CYP46A1: variants seen among roughly 807,000 people sequenced by gnomAD.
The protein encoded by CYP46A1 is cytochrome P450 family 46 subfamily A member 1, also known as cholesterol 24-hydroxylase.
In CYP46A1, 20 loss-of-function variants were observed where a neutral mutation model predicts 63.3. The ratio of observed to expected loss-of-function variants is 0.32; its 90% CI spans 0.22 to 0.46. The LOEUF (loss-of-function observed/expected upper bound fraction) is 0.46, where lower values mean the gene tolerates loss of function less well. Among genes scored for constraint, CYP46A1 ranks in the 20% least tolerant of loss-of-function variants. The probability of loss-of-function intolerance (pLI) is 1.00; values close to 1 mark genes in which losing one functional copy is unlikely to be tolerated. For missense variants in CYP46A1, 445 were observed against 670.8 expected, an observed-to-expected ratio of 0.66 and a Z score of 3.72; for synonymous variants, 268 against 273.6, an observed-to-expected ratio of 0.98 and a Z score of 0.20.
At chr14:99,720,155 G>A (rs1390615480) in intron 10 of CYP46A1, among the ~76,000 whole-genome samples, 1 of 152,150 alleles carries the variant, frequency 6.6e-6, no homozygotes, top group Non-Finnish European at 1.5e-5. Context: ...TACCTGGGTT[G>A]CTCCTACCGT....
intron 3 of CYP46A1, among the ~76,000 whole-genome samples, chr14:99,697,495 G>T (rs569059569): frequency 6.6e-6 from 1 of 152,306 alleles, no homozygotes; most frequent in Non-Finnish European, 1.5e-5. Context: ...TCCTGGAATT[G>T]CCTCTGGGTA....
chr14:99,684,643 G>T lies in CYP46A1; in HGVS notation c.119+107G>T, dbSNP rs916318702. 4.2e-6 allele frequency: 4 copies of T among 960,158 alleles called. No homozygotes were observed. In the African/African-American group the frequency reaches 5.0e-5, roughly 12 times the overall value. 59.5% of individuals were successfully genotyped at this position (960,158 alleles called of 1,614,324 possible). ...GGGGGTCCGGCCTCGCCTAGTGCGCGCGGCCGCTGGGAGTCGGCGGCCCCG... is the reference window on the plus strand; with the variant it reads ...GGGGGTCCGGCCTCGCCTAGTGCGCTCGGCCGCTGGGAGTCGGCGGCCCCG... On this transcript the variant is annotated intron_variant, in intron 1 of 14. Transcript: ENST00000261835.
intron 6 of CYP46A1, 48 bp from the exon 7 acceptor site, chr14:99,707,520 C>T: frequency 6.6e-7 from 1 of 1,516,666 alleles, no homozygotes; most frequent in Non-Finnish European, 9.1e-7. Context: ...CCTGGATCTG[C>T]TGCCCTTCTG....
intron 7 of CYP46A1, among the ~76,000 whole-genome samples, chr14:99,715,122 T>C (rs1270131968): frequency 6.6e-6 from 1 of 152,232 alleles, no homozygotes; most frequent in Non-Finnish European, 1.5e-5. Context: ...AGGTATTGTA[T>C]ATTTCAAAAA....
intron 1 of CYP46A1, among the ~76,000 whole-genome samples, chr14:99,685,836 C>T (rs2056489294): frequency 1.3e-5 from 2 of 151,990 alleles, no homozygotes; most frequent in African/African-American, 4.8e-5. Context: ...TCTCTCCTTG[C>T]TTAGCTCCTC....
chr14:99,725,280 G>C lies in CYP46A1; in HGVS notation c.1177-111G>C. 5 of 758,044 alleles carry C rather than the reference G, an allele frequency of 6.6e-6. No homozygotes were observed. The highest frequency in any genetic ancestry group is 9.3e-6 in the Non-Finnish European group (4 of 432,246). The allele number at this position is 758,044 out of a possible 1,614,324, so 47.0% of individuals were successfully genotyped here. ...ATGAGGGGTGAAGACATGGGGGGAGGAGAGTGGGACCCACTCTGCTCTGAG... is the reference window on the plus strand; with the variant it reads ...ATGAGGGGTGAAGACATGGGGGGAGCAGAGTGGGACCCACTCTGCTCTGAG... On this transcript the variant is annotated intron_variant, in intron 12 of 14. Coordinates refer to ENST00000261835, the MANE Select transcript of CYP46A1 (RefSeq NM_006668.2). The surrounding 1 kb of genome is among the most constrained non-coding windows in gnomAD (Gnocchi z 4.2).
intron 1 of CYP46A1, among the ~76,000 whole-genome samples, chr14:99,685,873 T>G (rs1397134478): frequency 6.6e-6 from 1 of 152,142 alleles, no homozygotes; most frequent in Non-Finnish European, 1.5e-5. Flanking sequence ...TGGATGCTTC[T>G]TCCCCCAGCC....
Position 99,684,551 on chromosome 14 carries a change from G to A in CYP46A1, c.119+15G>A. On this transcript the variant is annotated intron_variant, in intron 1 of 14. Coordinates refer to ENST00000261835, the MANE Select transcript of CYP46A1 (RefSeq NM_006668.2). Reference sequence around the variant, plus strand: ...CCGCGGCCCAGGTGAGCGGGGCTGGGGGCGGGGCCTGGCTGGGGTGCTGGG... The same window carrying A: ...CCGCGGCCCAGGTGAGCGGGGCTGGAGGCGGGGCCTGGCTGGGGTGCTGGG... 6.9e-7 allele frequency: 1 copy of A among 1,449,838 alleles called. No homozygotes were observed. The allele number at this position is 1,449,838 out of a possible 1,614,324, so 89.8% of individuals were successfully genotyped here.
chr14:99,686,548 T>C (rs1483494510), intron 1 of CYP46A1, among the ~76,000 whole-genome samples: 2 of 152,232 alleles, frequency 1.3e-5, no homozygotes, highest in Non-Finnish European at 2.9e-5. Context: ...ATCTGCTTTC[T>C]GTCTCTGTGG....
chr14:99,702,054 A>C lies in CYP46A1; in HGVS notation c.443+1953A>C, dbSNP rs559114750. ...CACTGCACTCCAGCCTGGGTGACAG[A>C]GCGAGACTCCATCTCAAAAAAAAAA... On this transcript the variant is annotated intron_variant, in intron 5 of 14. Coordinates refer to ENST00000261835, the MANE Select transcript of CYP46A1 (RefSeq NM_006668.2). Among the ~76,000 whole-genome samples the C allele has an allele frequency of 8.9e-5, 12 of 134,294 alleles. No individual in the cohort carries two copies. In the South Asian group the frequency reaches 2.9e-3, roughly 33 times the overall value. 88.1% of individuals were successfully genotyped at this position (134,294 alleles called of 152,430 possible).
At chr14:99,708,249 C>A in intron 7 of CYP46A1, 1 of 209,730 alleles carries the variant, frequency 4.8e-6, no homozygotes, top group South Asian at 6.2e-5. Context: ...GAGAGGCCTG[C>A]CCCACTTGCC....
intron 9 of CYP46A1, among the ~76,000 whole-genome samples, chr14:99,717,441 C>T (rs960724879): frequency 6.6e-6 from 1 of 152,128 alleles, no homozygotes; most frequent in Non-Finnish European, 1.5e-5. Context: ...TGTGTTCTCC[C>T]ACCCTGCTCC....
At chr14:99,698,769 C>A (rs1012587822) in intron 3 of CYP46A1, among the ~76,000 whole-genome samples, 2 of 152,172 alleles carry the variant, frequency 1.3e-5, no homozygotes, top group Non-Finnish European at 2.9e-5. Flanking sequence ...GACTACACAG[C>A]CCACGCTGTT....
chr14:99,725,344 A>C lies in CYP46A1; in HGVS notation c.1177-47A>C. 2 of 1,548,474 alleles carry C rather than the reference A, an allele frequency of 1.3e-6. No homozygotes were observed. Among genetic ancestry groups the C allele is most frequent in the Non-Finnish European group, 1.8e-6 (2 of 1,121,150 alleles). ...TGGCCTCAGTGGCTCAAGAGGTGCCAGGGGAACAACCTGGGAACCAGAGAT... is the reference window on the plus strand; with the variant it reads ...TGGCCTCAGTGGCTCAAGAGGTGCCCGGGGAACAACCTGGGAACCAGAGAT... On this transcript the variant is annotated intron_variant, in intron 12 of 14. Transcript: ENST00000261835. The surrounding 1 kb of genome is among the most constrained non-coding windows in gnomAD (Gnocchi z 4.2).
At chr14:99,721,384 T>C (rs768011045) in intron 11 of CYP46A1, 61 bp downstream of exon 11, 41 of 1,161,708 alleles carry the variant, frequency 3.5e-5, no homozygotes, top group Non-Finnish European at 4.9e-5. Context: ...TCATGCCTGC[T>C]TCCTCCCTGG....
At chr14:99,696,518 C>T (rs1162833242) in intron 3 of CYP46A1, among the ~76,000 whole-genome samples, 1 of 151,924 alleles carries the variant, frequency 6.6e-6, no homozygotes, top group Non-Finnish European at 1.5e-5. Flanking sequence ...AATATTATAC[C>T]ACTTCATCTC....
chr14:99,723,572 T>C (rs918671364), intron 12 of CYP46A1, among the ~76,000 whole-genome samples: 1 of 152,196 alleles, frequency 6.6e-6, no homozygotes, highest in Non-Finnish European at 1.5e-5. Context: ...GCCTCCCAAA[T>C]TGCTGGGATT....
intron 5 of CYP46A1, chr14:99,703,553 T>C (rs976129159): frequency 6.1e-6 from 6 of 984,434 alleles, no homozygotes; most frequent in Non-Finnish European, 7.2e-6. Context: ...ACTGTGCTTT[T>C]TCTGGCATCT....
intron 5 of CYP46A1, among the ~76,000 whole-genome samples, chr14:99,705,377 T>C (rs2056666858): frequency 6.7e-6 from 1 of 148,888 alleles, no homozygotes; most frequent in African/African-American, 2.4e-5. Flanking sequence ...CCAGCTAGTT[T>C]TTATTTTTAT....
Sources: allele counts gnomAD v4.1 joint callset (sites outside exome capture counted in the v4.1 genomes callset), GRCh38; gene constraint gnomAD v4.1.1; non-coding constraint Gnocchi (gnomAD v3.1); transcripts MANE v1.5; gene names NCBI Gene and HGNC (gene_info 2026-07-23, HGNC 2026-07-21).